Variants in VBP1 observed in about 807,000 individuals in gnomAD.
VBP1 encodes prefoldin subunit 3.
In VBP1, 4 loss-of-function variants were observed where a neutral mutation model predicts 15.5. The ratio of observed to expected loss-of-function variants is 0.26; its 90% CI spans 0.13 to 0.59. VBP1 has a LOEUF of 0.59. Among genes scored for constraint, VBP1 ranks in the 20% least tolerant of loss-of-function variants. The probability of loss-of-function intolerance (pLI) is 0.90; values close to 1 mark genes in which losing one functional copy is unlikely to be tolerated. For synonymous variants in VBP1, 61 were observed against 52.1 expected, an observed-to-expected ratio of 1.17 and a Z score of -0.74; for missense variants, 108 against 139.6, an observed-to-expected ratio of 0.77 and a Z score of 1.14.
chrX:155,235,223 GTT>G lies in VBP1; in HGVS notation c.385-998_385-997del, dbSNP rs782277780. On this transcript the variant is annotated intron_variant, in intron 4 of 5. Transcript: ENST00000286428. ...GAAATTTTTTTGGTCCCCTGCTTTG[GTT>G]TTTTTTTCTTTGTGGATTCTTGTTA... 7.2e-3 allele frequency among the ~76,000 whole-genome samples: 761 copies of G among 106,425 alleles called. 9 individuals carry two copies. Among genetic ancestry groups the G allele is most frequent in the African/African-American group, 0.025 (718 of 29,134 alleles). 92.4% of individuals were successfully genotyped at this position (106,425 alleles called of 115,157 possible). A position where few individuals can be genotyped will look rare whatever the true frequency, so the allele number is the denominator to read the frequency against.
chrX:155,236,154 G>A, intron 4 of VBP1, 75 bp from the exon 5 acceptor site: 1 of 1,091,325 alleles, frequency 9.2e-7, no homozygotes, highest in Non-Finnish European at 1.2e-6. Flanking sequence ...GAGGGCTGTA[G>A]TTTGCCCACA....
intron 2 of VBP1, among the ~76,000 whole-genome samples, chrX:155,225,012 A>G (rs1370169787): frequency 1.8e-5 from 2 of 111,851 alleles, no homozygotes; most frequent in Non-Finnish European, 3.8e-5. Context: ...TATTACCAAT[A>G]TCCTTTCTTT....
At chrX:155,236,982 T>C (rs1321180125) in intron 5 of VBP1, among the ~76,000 whole-genome samples, 1 of 112,483 alleles carries the variant, frequency 8.9e-6, no homozygotes, top group East Asian at 2.8e-4. Context: ...TGATAATTCA[T>C]AGCAAACTAT....
chrX:155,221,023 C>A (rs1239780482), intron 2 of VBP1, among the ~76,000 whole-genome samples: 4 of 108,909 alleles, frequency 3.7e-5, no homozygotes, highest in African/African-American at 1.3e-4. Flanking sequence ...AGACCCCCGT[C>A]TCTACAAATA....
At chrX:155,219,184 TA>T (rs1557309349) in intron 1 of VBP1, among the ~76,000 whole-genome samples, 1 of 112,248 alleles carries the variant, frequency 8.9e-6, no homozygotes, top group Admixed American at 9.4e-5. Flanking sequence ...TGGATAAGAA[TA>T]ATGATGTGAA....
Position 155,238,916 on chromosome X carries a change from C to A in VBP1, c.*74C>A. On this transcript the variant is annotated 3_prime_UTR_variant, in exon 6 of 6. Coordinates refer to ENST00000286428, the MANE Select transcript of VBP1 (RefSeq NM_003372.7). ...ATACCCCTTTATCCTTACAGGTTGA[C>A]ATAACTTTGAATGTTTTAACAGCAA... is the stretch of plus-strand genomic sequence containing the variant. The A allele has an allele frequency of 1.2e-6, 1 of 817,493 alleles. No individual in the cohort carries two copies. The highest frequency in any genetic ancestry group is 1.7e-6 in the Non-Finnish European group (1 of 591,217). The allele number at this position is 817,493 out of a possible 1,213,427, so 67.4% of individuals were successfully genotyped here. A position where few individuals can be genotyped will look rare whatever the true frequency, so the allele number is the denominator to read the frequency against.
At chrX:155,201,055 A>G (rs1445153416) in intron 1 of VBP1, among the ~76,000 whole-genome samples, 1 of 111,754 alleles carries the variant, frequency 8.9e-6, no homozygotes, top group African/African-American at 3.3e-5. Context: ...CCAAGACTAA[A>G]GCAGGAAGAA....
intron 1 of VBP1, among the ~76,000 whole-genome samples, chrX:155,198,930 GA>G (rs1170620347): frequency 8.9e-6 from 1 of 112,118 alleles, no homozygotes; most frequent in Non-Finnish European, 1.9e-5. Context: ...TGATGGAGCT[GA>G]AAGCCAAGTC....
At chrX:155,224,866 C>T (rs1209441818) in intron 2 of VBP1, among the ~76,000 whole-genome samples, 1 of 110,875 alleles carries the variant, frequency 9.0e-6, no homozygotes, top group African/African-American at 3.3e-5. Context: ...TCTAATTCTG[C>T]CTTCCATTTA....
chrX:155,218,746 T>C (rs1025505344), intron 1 of VBP1, among the ~76,000 whole-genome samples: 1 of 111,760 alleles, frequency 8.9e-6, no homozygotes, highest in Non-Finnish European at 1.9e-5. Flanking sequence ...TCACATATGC[T>C]AACTCATTTA....
At chrX:155,231,138 T>C (rs2074744204) in intron 4 of VBP1, among the ~76,000 whole-genome samples, 1 of 112,302 alleles carries the variant, frequency 8.9e-6, no homozygotes, top group Non-Finnish European at 1.9e-5. Flanking sequence ...GATTCCGCTT[T>C]TCTGCTCAAG....
At chrX:155,208,388 G>A (rs1358415796) in intron 1 of VBP1, among the ~76,000 whole-genome samples, 2 of 112,105 alleles carry the variant, frequency 1.8e-5, no homozygotes, top group Non-Finnish European at 3.8e-5. Context: ...CTTTCATCTG[G>A]CAAATTTCTA....
chrX:155,199,580 G>A lies in VBP1; in HGVS notation c.-31+2441G>A, dbSNP rs1373294003. The stretch of plus-strand genomic sequence containing the variant: ...TGCTGAGAGATTTTGTCACCACCAG[G>A]CCTGCCCTAAAAGAGCTCCTGAAGG... On this transcript the variant is annotated intron_variant, in intron 1 of 6. Transcript: ENST00000535916. Among the ~76,000 whole-genome samples, 545 of 111,607 alleles carry A rather than the reference G, an allele frequency of 4.9e-3. 3 individuals are homozygous for A. The highest frequency in any genetic ancestry group is 0.017 in the African/African-American group (519 of 30,718).
chrX:155,223,568 A>G (rs1442146954), intron 2 of VBP1, among the ~76,000 whole-genome samples: 5 of 112,242 alleles, frequency 4.5e-5, no homozygotes, highest in African/African-American at 1.6e-4. Flanking sequence ...CCTAGTACAG[A>G]ACAAAATGGA....
chrX:155,235,362 T>C (rs186088490), intron 4 of VBP1, among the ~76,000 whole-genome samples: 1 of 112,076 alleles, frequency 8.9e-6, no homozygotes, highest in African/African-American at 3.2e-5. Flanking sequence ...ATTTGGCATT[T>C]ACTTTGTGCC....
At chrX:155,224,913 A>G (rs1557310106) in intron 2 of VBP1, among the ~76,000 whole-genome samples, 2 of 109,434 alleles carry the variant, frequency 1.8e-5, no homozygotes. Context: ...TTTGTCATTT[A>G]TCTTTTGGCA....
intron 4 of VBP1, among the ~76,000 whole-genome samples, chrX:155,233,926 A>G (rs1161628906): frequency 1.8e-5 from 2 of 110,643 alleles, no homozygotes; most frequent in Non-Finnish European, 3.8e-5. Context: ...TGCATAAAGC[A>G]AAGTGTAAGT....
At chrX:155,203,781 A>G (rs1294519617) in intron 1 of VBP1, among the ~76,000 whole-genome samples, 2 of 111,893 alleles carry the variant, frequency 1.8e-5, no homozygotes, top group Non-Finnish European at 3.8e-5. Flanking sequence ...AAAAAAAAGA[A>G]TGCTTGGAAT....
intron 1 of VBP1, among the ~76,000 whole-genome samples, chrX:155,198,227 T>G (rs995906059): frequency 2.6e-4 from 29 of 112,437 alleles, no homozygotes; most frequent in African/African-American, 9.3e-4. Context: ...CAGACTTAAA[T>G]GTCCCTGTCT....
Sources: gnomAD v4.1 joint callset for allele counts (sites outside exome capture counted in the v4.1 genomes callset) on GRCh38, gnomAD v4.1.1 for gene constraint, MANE v1.5 for transcripts, NCBI Gene and HGNC (gene_info 2026-07-23, HGNC 2026-07-21) for gene names.